Variants in DISC1 observed in about 807,000 individuals in gnomAD.
The protein encoded by DISC1 is disrupted in schizophrenia 1 protein.
A neutral mutation model predicts 84.5 loss-of-function variants in DISC1; 57 were observed. The ratio of observed to expected loss-of-function variants is 0.67; its 90% CI spans 0.55 to 0.84. The LOEUF (loss-of-function observed/expected upper bound fraction) is 0.84, where lower values mean the gene tolerates loss of function less well. Ranked by LOEUF, DISC1 falls within the 40% of genes least tolerant of loss-of-function variation. The pLI is 0.00. For missense variants in DISC1, 1,000 were observed against 1,057.8 expected (o/e 0.95, Z 0.76); for synonymous variants, 411 against 415.2 (o/e 0.99, Z 0.12).
chr1:231,693,385 G>A (rs569572594), intron 1 of DISC1, among the ~76,000 whole-genome samples: 15 of 152,294 alleles, frequency 9.8e-5, no homozygotes, highest in African/African-American at 3.4e-4. Context: ...CATGTTCAAC[G>A]AATAGCTAGA....
chr1:231,747,351 A>G (rs1442303824), intron 3 of DISC1, among the ~76,000 whole-genome samples: 2 of 152,162 alleles, frequency 1.3e-5, no homozygotes, highest in Admixed American at 6.5e-5. Context: ...TCCCAGGCTC[A>G]TGTCCTCTGT....
chr1:231,964,502 G>A (rs1421474262), intron 10 of DISC1, among the ~76,000 whole-genome samples: 1 of 152,156 alleles, frequency 6.6e-6, no homozygotes, highest in East Asian at 1.9e-4. Context: ...TGTGTGAACT[G>A]GTATGGTGTA....
intron 8 of DISC1, chr1:231,814,953 A>G (rs2080766964): frequency 6.9e-6 from 1 of 145,402 alleles, no homozygotes; most frequent in Non-Finnish European, 1.5e-5. Flanking sequence ...TAATAATAAT[A>G]ATAATAATAA....
intron 8 of DISC1, among the ~76,000 whole-genome samples, chr1:231,801,602 C>T (rs546247966): frequency 6.6e-6 from 1 of 152,308 alleles, no homozygotes; most frequent in East Asian, 1.9e-4. Context: ...TTTGACCTCA[C>T]TATTTTCTGG....
chr1:231,643,341 C>T (rs540961928), intron 1 of DISC1, among the ~76,000 whole-genome samples: 1 of 151,928 alleles, frequency 6.6e-6, no homozygotes, highest in Non-Finnish European at 1.5e-5. Flanking sequence ...TTGAGTGAGG[C>T]AATAACTAGT....
intron 3 of DISC1, among the ~76,000 whole-genome samples, chr1:231,714,859 A>G (rs1159405209): frequency 6.6e-6 from 1 of 152,196 alleles, no homozygotes; most frequent in African/African-American, 2.4e-5. Context: ...TGTTACTTCC[A>G]CCACATGGAT....
chr1:231,733,152 G>A (rs1285423120), intron 3 of DISC1, among the ~76,000 whole-genome samples: 1 of 152,074 alleles, frequency 6.6e-6, no homozygotes, highest in Non-Finnish European at 1.5e-5. Flanking sequence ...TAGGAGTGAT[G>A]GTGGTGATGG....
chr1:231,856,267 T>C (rs909105949), intron 9 of DISC1, among the ~76,000 whole-genome samples: 1 of 151,996 alleles, frequency 6.6e-6, no homozygotes, highest in African/African-American at 2.4e-5. Flanking sequence ...AACTGTGCAA[T>C]GAAGAGGCAG....
intron 1 of DISC1, among the ~76,000 whole-genome samples, chr1:231,676,257 C>T (rs2063144714): frequency 6.6e-6 from 1 of 152,162 alleles, no homozygotes; most frequent in Non-Finnish European, 1.5e-5. Flanking sequence ...TTTTTAGGTC[C>T]CGATGCTATC....
intron 8 of DISC1, among the ~76,000 whole-genome samples, chr1:231,813,871 G>A (rs970771025): frequency 6.6e-6 from 1 of 151,990 alleles, no homozygotes; most frequent in Non-Finnish European, 1.5e-5. Flanking sequence ...TTTTTCTTTG[G>A]AAGGCACCTT....
chr1:231,860,648 A>G (rs1166999227), intron 9 of DISC1, among the ~76,000 whole-genome samples: 2 of 152,158 alleles, frequency 1.3e-5, no homozygotes, highest in East Asian at 3.8e-4. Context: ...TCCTGGCTCC[A>G]TGTCATAATA....
chr1:231,646,078 A>G (rs2060105145), intron 1 of DISC1, among the ~76,000 whole-genome samples: 1 of 150,676 alleles, frequency 6.6e-6, no homozygotes. Flanking sequence ...TTTTACAATA[A>G]CAGTGTTATC....
intron 10 of DISC1, among the ~76,000 whole-genome samples, chr1:232,006,191 T>A (rs1667417313): frequency 6.6e-6 from 1 of 152,154 alleles, no homozygotes; most frequent in African/African-American, 2.4e-5. Context: ...TCATGATCCA[T>A]GTTGAAGATG....
chr1:231,689,331 T>G (rs2064702209), intron 1 of DISC1, among the ~76,000 whole-genome samples: 1 of 152,064 alleles, frequency 6.6e-6, no homozygotes, highest in Non-Finnish European at 1.5e-5. Flanking sequence ...ACGTGTCTTT[T>G]TTTTTTGTTG....
rs140328204 is a variant in DISC1, at chr1:231,977,443, C to T, written c.2042+18555C>T. On this transcript the variant is annotated intron_variant, in intron 10 of 12. Coordinates refer to ENST00000439617, the MANE Select transcript of DISC1 (RefSeq NM_018662.3). ...CTCCTTGGCTTGTGGCCCCTTCCTC[C>T]ATCTTCAAAGTGCCTCACTCCAGTC... 2.7e-3 allele frequency among the ~76,000 whole-genome samples: 406 copies of T among 152,298 alleles called. 1 individual carries two copies. Among genetic ancestry groups the T allele is most frequent in the Non-Finnish European group, 4.2e-3 (285 of 68,028 alleles).
At chr1:231,863,923 T>A (rs2084862776) in intron 9 of DISC1, among the ~76,000 whole-genome samples, 1 of 151,980 alleles carries the variant, frequency 6.6e-6, no homozygotes, top group Admixed American at 6.6e-5. Context: ...TTGGAGGAAA[T>A]CACTGTGTCG....
intron 2 of DISC1, among the ~76,000 whole-genome samples, chr1:231,699,155 C>T (rs17748239): frequency 0.26 from 39,125 of 152,022 alleles, 5,533 homozygotes; most frequent in Non-Finnish European, 0.32. Context: ...CCTACAAGAG[C>T]GATCAAATGC....
intron 9 of DISC1, among the ~76,000 whole-genome samples, chr1:231,856,644 C>T (rs539602150): frequency 2.0e-5 from 3 of 152,148 alleles, no homozygotes; most frequent in African/African-American, 7.2e-5. Context: ...GCCTGCCCTG[C>T]GTGAGCAGGT....
At chr1:231,900,425 G>T (rs1030767793) in intron 9 of DISC1, among the ~76,000 whole-genome samples, 2 of 152,128 alleles carry the variant, frequency 1.3e-5, no homozygotes, top group African/African-American at 2.4e-5. Context: ...CTCCTAATTG[G>T]CCTACGTGGT....
Sources: allele counts gnomAD v4.1 joint callset (sites outside exome capture counted in the v4.1 genomes callset), GRCh38; gene constraint gnomAD v4.1.1; transcripts MANE v1.5; gene names NCBI Gene and HGNC (gene_info 2026-07-23, HGNC 2026-07-21).